SUZ12: variants seen among roughly 807,000 people sequenced by gnomAD.
SUZ12 encodes polycomb protein SUZ12.
Under a neutral mutation model 87.3 loss-of-function variants are expected in SUZ12, and 17 were observed. The ratio of observed to expected loss-of-function variants is 0.19; its 90% confidence interval spans 0.13 to 0.29. SUZ12 has a LOEUF of 0.29. Ranked by LOEUF, SUZ12 falls within the 10% of genes least tolerant of loss-of-function variation. The pLI, the probability that SUZ12 is intolerant of heterozygous loss-of-function variation, is 1.00. For synonymous variants in SUZ12, 253 were observed against 312.4 expected (o/e 0.81, Z 2.01); for missense variants, 526 against 912.2 (o/e 0.58, Z 5.45).
Position 31,966,137 on chromosome 17 carries a change from T to C in SUZ12, c.456-10T>C. ...ACAATGATAAAATATTTCCTTTTTT[T>C]TTTTTTTAGCTTGTCAGCTCATTTG... On this transcript the variant is annotated splice_polypyrimidine_tract_variant and intron_variant, in intron 4 of 15. Transcript: ENST00000322652. The C allele has an allele frequency of 1.3e-6, 2 of 1,586,256 alleles. No individual in the cohort carries two copies. Among genetic ancestry groups the C allele is most frequent in the Non-Finnish European group, 1.7e-6 (2 of 1,168,316 alleles).
chr17:31,977,295 T>A (rs1274122326), intron 8 of SUZ12, among the ~76,000 whole-genome samples: 2 of 137,964 alleles, frequency 1.4e-5, no homozygotes, highest in Non-Finnish European at 3.0e-5. Flanking sequence ...TTTTTTTTTT[T>A]AGAATAGTGT....
chr17:31,964,310 C>A (rs529788823), intron 4 of SUZ12, among the ~76,000 whole-genome samples: 44 of 151,376 alleles, frequency 2.9e-4, no homozygotes, highest in Non-Finnish European at 5.4e-4. Context: ...CAGTTGTGAG[C>A]CACCGCACCC....
At position 31,999,264 on chromosome 17, in the gene SUZ12, C is replaced by G. The variant is rs1308944005; in HGVS notation, c.*261C>G. The G allele has an allele frequency of 3.5e-6, 1 of 284,996 alleles. No homozygotes were observed. Among genetic ancestry groups the G allele is most frequent in the African/African-American group, 2.1e-5 (1 of 46,662 alleles). 17.7% of individuals were successfully genotyped at this position (284,996 alleles called of 1,614,324 possible). A position where few individuals can be genotyped will look rare whatever the true frequency, so the allele number is the denominator to read the frequency against. ...CAATATTTCAAAGTATTTTTAAACT[C>G]AACAAATGTCATCAAATATGTTGAA... On this transcript the variant is annotated 3_prime_UTR_variant, in exon 16 of 16. Coordinates refer to ENST00000322652, the MANE Select transcript of SUZ12 (RefSeq NM_015355.4).
At chr17:31,995,959 A>G (rs1262865651) in intron 14 of SUZ12, among the ~76,000 whole-genome samples, 197 bp downstream of exon 14, 1 of 152,174 alleles carries the variant, frequency 6.6e-6, no homozygotes, top group Admixed American at 6.5e-5. Context: ...TCACACCTGT[A>G]ATCCTAGCAC....
At chr17:31,994,825 T>C (rs1442044572) in intron 13 of SUZ12, 104 bp downstream of exon 13, 14 of 1,290,016 alleles carry the variant, frequency 1.1e-5, no homozygotes, top group Non-Finnish European at 1.1e-5. Context: ...GTGGAAATTA[T>C]TATTTTTCAG....
At chr17:31,957,333 G>A (rs1567818615) in intron 4 of SUZ12, among the ~76,000 whole-genome samples, 1 of 151,518 alleles carries the variant, frequency 6.6e-6, no homozygotes, top group African/African-American at 2.4e-5. Context: ...TCCACCTCCT[G>A]AGTTCATGTA....
At chr17:31,984,253 T>C (rs1411178959) in intron 9 of SUZ12, among the ~76,000 whole-genome samples, 2 of 152,234 alleles carry the variant, frequency 1.3e-5, no homozygotes, top group South Asian at 2.1e-4. Context: ...TTGATGTATA[T>C]TTGAAATTTA....
chr17:31,995,528 A>G, intron 13 of SUZ12, 36 bp from the exon 14 acceptor site: 1 of 1,570,722 alleles, frequency 6.4e-7, no homozygotes, highest in Non-Finnish European at 8.8e-7. Flanking sequence ...GTATACATGT[A>G]GAGGCCATAA....
chr17:31,943,762 G>A (rs1186014715), intron 3 of SUZ12, among the ~76,000 whole-genome samples: 3 of 151,790 alleles, frequency 2.0e-5, no homozygotes, highest in Admixed American at 6.6e-5. Flanking sequence ...GTGCCGTGGC[G>A]CAATTTCGGC....
chr17:31,941,444 A>G (rs533274036), intron 3 of SUZ12, among the ~76,000 whole-genome samples: 9 of 151,802 alleles, frequency 5.9e-5, no homozygotes, highest in African/African-American at 1.9e-4. Context: ...TTTAGTAGAG[A>G]CAAGGTTTCC....
chr17:31,993,166 A>G (rs897204545), intron 10 of SUZ12, 76 bp from the exon 11 acceptor site: 31 of 859,194 alleles, frequency 3.6e-5, no homozygotes, highest in Non-Finnish European at 3.2e-5. Flanking sequence ...TTTAATATTT[A>G]ATAGTTTTTG....
intron 13 of SUZ12, 64 bp downstream of exon 13, chr17:31,994,785 A>G: frequency 6.5e-7 from 1 of 1,546,046 alleles, no homozygotes; most frequent in South Asian, 1.2e-5. Flanking sequence ...GGAGGAACAA[A>G]GGAGCCAGAT....
chr17:31,939,874 T>G (rs1437373396), intron 1 of SUZ12, among the ~76,000 whole-genome samples: 2 of 152,198 alleles, frequency 1.3e-5, no homozygotes, highest in Non-Finnish European at 2.9e-5. Context: ...GAAATTTTCA[T>G]CTTGTTTGGC....
At chr17:31,984,863 C>T (rs760548090) in intron 9 of SUZ12, among the ~76,000 whole-genome samples, 7 of 152,018 alleles carry the variant, frequency 4.6e-5, no homozygotes, top group African/African-American at 7.2e-5. Flanking sequence ...TTTGATGTAA[C>T]AGTAAGTTGG....
intron 10 of SUZ12, among the ~76,000 whole-genome samples, chr17:31,991,043 G>A (rs1909695850): frequency 6.6e-6 from 1 of 152,186 alleles, no homozygotes; most frequent in Non-Finnish European, 1.5e-5. Flanking sequence ...CATTGCGCCT[G>A]GCCAAGTTCT....
At position 31,998,997 on chromosome 17, in the gene SUZ12, A is replaced by T. The variant is rs1411435947; in HGVS notation, c.2214A>T (p.Lys738Asn). 1.3e-6 allele frequency: 2 copies of T among 1,541,786 alleles called. No individual in the cohort carries two copies. Among genetic ancestry groups the T allele is most frequent in the East Asian group, 4.5e-5 (2 of 44,122 alleles). The change falls in exon 16 of 16, where the codon AAA becomes AAT. Residue 738 changes from lysine to asparagine, a missense_variant. By Grantham distance (94) the Lys-to-Asn change is moderately conservative (BLOSUM62 0). Around this residue, in one of 9 missense-constraint regions of SUZ12, gnomAD observed 56 missense variants for 56.6 expected, o/e 0.99. Coordinates refer to ENST00000322652, the MANE Select transcript of SUZ12 (RefSeq NM_015355.4). ...SGVSKQSKKQKL is the reference protein window; with the variant it reads ...SGVSKQSKKQNL ...TTTCAAAACAGAGCAAAAAACAAAA[A>T]CTCTGAAAAGCTCTAACCCCATGTT...
intron 5 of SUZ12, among the ~76,000 whole-genome samples, chr17:31,970,261 A>G (rs1440805924): frequency 6.6e-6 from 1 of 152,188 alleles, no homozygotes; most frequent in African/African-American, 2.4e-5. Flanking sequence ...TTTATCCTGG[A>G]TGCAACTTCC....
At chr17:31,945,287 C>G (rs1299172407) in intron 3 of SUZ12, among the ~76,000 whole-genome samples, 2 of 152,056 alleles carry the variant, frequency 1.3e-5, no homozygotes, top group African/African-American at 2.4e-5. Flanking sequence ...AACATAATAT[C>G]CATTGTTGGA....
chr17:31,999,082 T>G lies in SUZ12; in HGVS notation c.*79T>G. 7.9e-7 allele frequency: 1 copy of G among 1,269,262 alleles called. No homozygotes were observed. The highest frequency in any genetic ancestry group is 3.3e-5 in the Admixed American group (1 of 30,280). 78.6% of individuals were successfully genotyped at this position (1,269,262 alleles called of 1,614,324 possible). On this transcript the variant is annotated 3_prime_UTR_variant, in exon 16 of 16. Coordinates refer to ENST00000322652, the MANE Select transcript of SUZ12 (RefSeq NM_015355.4). ...CATCCTCTAAGAATTATGTTTTTGT[T>G]TTTAATCATATGTTCCAAACAGGCA...
Sources: gnomAD v4.1 joint callset for allele counts (sites outside exome capture counted in the v4.1 genomes callset) on GRCh38, gnomAD v4.1.1 for gene constraint, gnomAD v4.1.1 regional missense constraint, MANE v1.5 for transcripts, NCBI Gene and HGNC (gene_info 2026-07-23, HGNC 2026-07-21) for gene names.